The following ARHGAP29 variants were observed in gnomAD, a reference collection of about 807,000 sequenced individuals.
ARHGAP29 encodes the protein rho GTPase-activating protein 29.
ARHGAP29 carries 43 observed loss-of-function variants against 122.6 expected under a neutral mutation model. That is an observed-to-expected ratio of 0.35 (90% confidence interval 0.27 to 0.45). The LOEUF (loss-of-function observed/expected upper bound fraction) is 0.45. Among genes scored for constraint, ARHGAP29 ranks in the 20% least tolerant of loss-of-function variants. The pLI, the probability that ARHGAP29 is intolerant of heterozygous loss-of-function variation, is 1.00. For synonymous variants in ARHGAP29, 506 were observed against 497.1 expected, an observed-to-expected ratio of 1.02 and a Z score of -0.24; for missense variants, 1,303 against 1,477.2, an observed-to-expected ratio of 0.88 and a Z score of 1.93.
At chr1:94,218,706 C>T (rs531861569) in intron 3 of ARHGAP29, among the ~76,000 whole-genome samples, 9 of 152,178 alleles carry the variant, frequency 5.9e-5, no homozygotes, top group African/African-American at 1.9e-4. Flanking sequence ...TCCATGTTTC[C>T]CATTTAAAAA....
intron 3 of ARHGAP29, among the ~76,000 whole-genome samples, chr1:94,210,282 G>A (rs1325148263): frequency 1.3e-5 from 2 of 152,180 alleles, no homozygotes; most frequent in Admixed American, 6.5e-5. Flanking sequence ...TTAAAACAGA[G>A]TTGTCTTTAA....
At chr1:94,263,975 C>T (rs922879332) in intron 1 of ARHGAP29, among the ~76,000 whole-genome samples, 1 of 152,160 alleles carries the variant, frequency 6.6e-6, no homozygotes, top group Admixed American at 6.5e-5. Flanking sequence ...GTATAAGTAA[C>T]ACAGTGGTGA....
upstream of ARHGAP29, among the ~76,000 whole-genome samples, chr1:94,276,823 A>G (rs1270386648): frequency 1.3e-5 from 2 of 148,506 alleles, no homozygotes; most frequent in Admixed American, 6.7e-5. Flanking sequence ...CTGTGTCCCA[A>G]TTCTCTATTC....
the ARHGAP29 span, among the ~76,000 whole-genome samples, chr1:94,309,570 G>A: frequency 1.3e-5 from 2 of 152,208 alleles, no homozygotes; most frequent in Non-Finnish European, 1.5e-5. Context: ...GAATAGATCA[G>A]TAGCTGGAGA....
chr1:94,174,351 G>A lies in ARHGAP29; in HGVS notation c.3304C>T (p.Leu1102Phe). ...AKTTMIMPSALQEKGVTTSLQ... is the reference protein window; with the variant it reads ...AKTTMIMPSAFQEKGVTTSLQ... ...CTTGTTGTCACTCCTTTTTCCTGGA[G>A]TGCACTGGGCATGATCATTGTAGTC... is the stretch of plus-strand genomic sequence containing the variant. The change falls in exon 23 of 23, where the codon CTC (leucine) becomes TTC (phenylalanine). Residue 1102 changes from leucine to phenylalanine, a missense_variant. Physicochemically the swap from Leu to Phe is conservative, Grantham distance 22 (BLOSUM62 0). Transcript: ENST00000260526. 1.9e-6 allele frequency: 3 copies of A among 1,614,144 alleles called. No homozygotes were observed. The highest frequency in any genetic ancestry group is 1.7e-6 in the Non-Finnish European group (2 of 1,180,034).
intron 1 of ARHGAP29, among the ~76,000 whole-genome samples, chr1:94,255,282 A>C (rs558427566): frequency 8.3e-4 from 127 of 152,322 alleles, no homozygotes; most frequent in African/African-American, 2.3e-3. Flanking sequence ...AGTGATGGCC[A>C]TCTATCTACA....
chr1:94,199,710 C>T (rs1291276125), intron 12 of ARHGAP29, among the ~76,000 whole-genome samples: 2 of 152,214 alleles, frequency 1.3e-5, no homozygotes, highest in African/African-American at 4.8e-5. Flanking sequence ...CAATCCTAAA[C>T]AGTTTACCTT....
intron 1 of ARHGAP29, among the ~76,000 whole-genome samples, chr1:94,255,894 A>G (rs562347886): frequency 2.0e-5 from 3 of 152,190 alleles, no homozygotes; most frequent in Non-Finnish European, 4.4e-5. Context: ...TAATAATACT[A>G]ATTCCATCAC....
intron 12 of ARHGAP29, among the ~76,000 whole-genome samples, chr1:94,200,735 T>C (rs528776106): frequency 1.1e-4 from 17 of 152,318 alleles, no homozygotes; most frequent in South Asian, 4.1e-4. Flanking sequence ...ATGCATAACA[T>C]TGATGAATCT....
chr1:94,185,256 A>G lies in ARHGAP29; in HGVS notation c.1920+86T>C, dbSNP rs575974665. ...TACAATTTATTAAACATATATTTGC[A>G]AAAGATCCTAAAAAGTAAAATTAAA... On this transcript the variant is annotated intron_variant, in intron 17 of 22. Transcript: ENST00000260526. 1.3e-5 allele frequency: 18 copies of G among 1,413,374 alleles called. No homozygotes were observed. The Admixed American group carries it at 3.4e-4, about 27-fold the overall frequency. The allele number at this position is 1,413,374 out of a possible 1,614,324, so 87.6% of individuals were successfully genotyped here.
In ARHGAP29 at chr1:94,262,130, C is replaced by T. The variant is rs1654582424; in HGVS notation, c.-33+12882G>A. Among the ~76,000 whole-genome samples the T allele has an allele frequency of 2.6e-5, 4 of 152,038 alleles. No homozygotes were observed. In the South Asian group the frequency reaches 8.3e-4, roughly 32 times the overall value. ...TACAACCATCTGATCTTTGACAAAG[C>T]AAGCTGACAAAAACAAGCAATGAGG... On this transcript the variant is annotated intron_variant and NMD_transcript_variant, in intron 1 of 25. Coordinates refer to the ARHGAP29 transcript ENST00000552844.
chr1:94,250,878 C>A (rs1654056344), intron 1 of ARHGAP29, among the ~76,000 whole-genome samples: 1 of 152,148 alleles, frequency 6.6e-6, no homozygotes, highest in Non-Finnish European at 1.5e-5. Context: ...TGTGCTTGAG[C>A]CATCACATAC....
rs1230254331 is a variant in ARHGAP29 at position 94,169,255 on chromosome 1, G to A, written c.*4614C>T. Among the ~76,000 whole-genome samples the A allele has an allele frequency of 6.6e-6, 1 of 152,154 alleles. No homozygotes were observed. The highest frequency in any genetic ancestry group is 1.9e-4 in the East Asian group (1 of 5,192). The stretch of plus-strand genomic sequence containing the variant: ...ATGACAGGAGCCTAGGATTCCAATG[G>A]TGTGCTCAGGACTGACATCACTGGG... On this transcript the variant is annotated 3_prime_UTR_variant, in exon 23 of 23. Coordinates refer to ENST00000260526, the MANE Select transcript of ARHGAP29 (RefSeq NM_004815.4).
chr1:94,282,920 T>C, the ARHGAP29 span, among the ~76,000 whole-genome samples: 1 of 152,134 alleles, frequency 6.6e-6, no homozygotes, highest in Non-Finnish European at 1.5e-5. Flanking sequence ...TAGTTCAAAT[T>C]AGTGTTTCTC....
chr1:94,231,769 T>C (rs1201758925), intron 1 of ARHGAP29, 126 bp from the exon 2 acceptor site: 1 of 649,258 alleles, frequency 1.5e-6, no homozygotes, highest in Non-Finnish European at 2.6e-6. Flanking sequence ...TGGTATCCTA[T>C]TTTTAAATTT....
At chr1:94,242,758 A>G (rs1279015605) in intron 1 of ARHGAP29, among the ~76,000 whole-genome samples, 1 of 152,038 alleles carries the variant, frequency 6.6e-6, no homozygotes, top group Non-Finnish European at 1.5e-5. Context: ...GCCCAATAAA[A>G]AGGCAGAGAT....
At position 94,177,956 on chromosome 1, in the gene ARHGAP29, T is replaced by A. The variant is rs1649210854; in HGVS notation, c.2692A>T (p.Ser898Cys). The A allele has an allele frequency of 6.2e-7, 1 of 1,614,026 alleles. No individual in the cohort carries two copies. The highest frequency in any genetic ancestry group is 2.2e-5 in the East Asian group (1 of 44,890). Residue 898 changes from serine to cysteine, a missense_variant, in exon 21 of 23, where the codon AGC becomes TGC. Ser to Cys is a moderately radical substitution (Grantham distance 112). This residue lies in a region of ARHGAP29 where 620 missense variants were observed against 651.2 expected (regional missense o/e 0.95). Coordinates refer to ENST00000260526, the MANE Select transcript of ARHGAP29 (RefSeq NM_004815.4). ...GSLQPQDVMC[S>C]IGVVDQGCFP... ...CAGCCTTGATCAACAACACCTATGC[T>A]ACACATAACATCTTGTGGTTGTAGG...
At chr1:94,191,410 T>C (rs1025364628) in intron 12 of ARHGAP29, 7 of 152,286 alleles carry the variant, frequency 4.6e-5, no homozygotes, top group African/African-American at 1.7e-4. Context: ...TCTAAGTCCT[T>C]TTCAATGTAG....
At chr1:94,278,928 A>G (rs2100745526), upstream of ARHGAP29, among the ~76,000 whole-genome samples, 1 of 152,320 alleles carries the variant, frequency 6.6e-6, no homozygotes, top group Non-Finnish European at 1.5e-5. Flanking sequence ...GTTTAGAGAA[A>G]TGCACAAATG....
Sources: allele counts gnomAD v4.1 joint callset (sites outside exome capture counted in the v4.1 genomes callset), GRCh38; gene constraint gnomAD v4.1.1; regional missense constraint gnomAD v4.1.1; transcripts MANE v1.5; gene names NCBI Gene and HGNC (gene_info 2026-07-23, HGNC 2026-07-21).